Variants in DUX4 observed in about 807,000 individuals in gnomAD.
DUX4 encodes double homeobox 4.
downstream of DUX4, among the ~76,000 whole-genome samples, chr4:190,179,188 C>A (rs1251877333): frequency 0.031 from 654 of 21,240 alleles, 1 homozygote; most frequent in Non-Finnish European, 0.038. Context: ...AGGCAGAGCC[C>A]TGACAAGTGG....
At chr4:190,176,265 A>G (rs1445357307), downstream of DUX4, among the ~76,000 whole-genome samples, 210 of 113,706 alleles carry the variant, frequency 1.8e-3, 29 homozygotes, top group African/African-American at 5.2e-3. Context: ...CAATTTTTAC[A>G]TCTCCTGAGT....
chr4:190,179,112 G>T (rs1742478738), downstream of DUX4, among the ~76,000 whole-genome samples: 6 of 152,154 alleles, frequency 3.9e-5, no homozygotes, highest in East Asian at 3.9e-4. Context: ...GCCACTGTAG[G>T]CAGAGCCTAG....
At chr4:190,177,105 A>C (rs1742341896), downstream of DUX4, among the ~76,000 whole-genome samples, 592 of 134,448 alleles carry the variant, frequency 4.4e-3, no homozygotes, top group Admixed American at 7.9e-3. Context: ...TGATCAGTGC[A>C]GAGATATTTC....
downstream of DUX4, among the ~76,000 whole-genome samples, chr4:190,176,259 T>A (rs1162116400): frequency 8.9e-6 from 1 of 112,356 alleles, no homozygotes; most frequent in South Asian, 3.2e-4. Flanking sequence ...CCCAGACAAT[T>A]TTTACATCTC....
downstream of DUX4, among the ~76,000 whole-genome samples, chr4:190,177,189 C>CACCCCTGTAGGCAGAGCCTA (rs1742349628): frequency 3.5e-5 from 2 of 57,912 alleles, no homozygotes; most frequent in South Asian, 6.3e-4. Context: ...TATGTCAAAA[C>CACCCCTGTAGGCAGAGCCTA]GCCCCTGTAG....
downstream of DUX4, among the ~76,000 whole-genome samples, chr4:190,179,467 A>ACC (rs1742495618): frequency 2.7e-5 from 4 of 149,604 alleles, no homozygotes; most frequent in African/African-American, 4.9e-5. Context: ...GATCCTAGAG[A>ACC]AGAGTTATAT....
chr4:190,176,920 C>T (rs1742329766), downstream of DUX4, among the ~76,000 whole-genome samples: 1 of 133,076 alleles, frequency 7.5e-6, no homozygotes, highest in Non-Finnish European at 1.7e-5. Context: ...ACAAAAATCC[C>T]TGTAGACAGA....
chr4:190,177,027 G>T (rs1742337270), downstream of DUX4, among the ~76,000 whole-genome samples: 5 of 150,220 alleles, frequency 3.3e-5, no homozygotes, highest in Non-Finnish European at 6.0e-5. Context: ...TCACCTGGGT[G>T]ATCAGTGCAG....
downstream of DUX4, among the ~76,000 whole-genome samples, chr4:190,176,685 G>T (rs1742316676): frequency 8.4e-6 from 1 of 118,616 alleles, no homozygotes; most frequent in African/African-American, 2.6e-5. Flanking sequence ...TCACTTGGTT[G>T]ATCAGTTCAG....
At chr4:190,177,937 A>G (rs1579833503), downstream of DUX4, among the ~76,000 whole-genome samples, 175 of 145,862 alleles carry the variant, frequency 1.2e-3, no homozygotes, top group East Asian at 3.2e-3. Context: ...GATATGTCAC[A>G]ATGTCTCCAG....
downstream of DUX4, among the ~76,000 whole-genome samples, chr4:190,178,930 GT>G (rs1742464533): frequency 1.5e-5 from 1 of 67,454 alleles, no homozygotes; most frequent in Admixed American, 1.7e-4. Flanking sequence ...ACAAGAGTCC[GT>G]CTCCTGGGTG....
intron 1 of DUX4, among the ~76,000 whole-genome samples, chr4:190,181,263 G>C (rs1579837085): frequency 6.7e-4 from 99 of 147,920 alleles, no homozygotes; most frequent in Admixed American, 9.5e-4. Context: ...TCACCTGGGT[G>C]ATCAGTGCAG....
chr4:190,181,324 C>CTGTTA (rs1742565024), intron 1 of DUX4, among the ~76,000 whole-genome samples: 1 of 764 alleles, frequency 1.3e-3, no homozygotes, highest in African/African-American at 5.0e-3. Context: ...GAGTCCCATC[C>CTGTTA]CCTGGGTGAT....
downstream of DUX4, among the ~76,000 whole-genome samples, chr4:190,177,142 G>A (rs1579832443): frequency 1.7e-3 from 251 of 148,488 alleles, no homozygotes; most frequent in Middle Eastern, 0.011. Context: ...GCAGAGAGTG[G>A]ACAAGAGTTA....
At chr4:190,177,785 G>A (rs1579833311), downstream of DUX4, among the ~76,000 whole-genome samples, 3 of 152,106 alleles carry the variant, frequency 2.0e-5, no homozygotes, top group Admixed American at 6.6e-5. Flanking sequence ...GGTGATCAGT[G>A]CAGAGTTATG....
At chr4:190,181,303 A>AAATATGTCACAAT (rs1742562984) in intron 1 of DUX4, among the ~76,000 whole-genome samples, 1 of 134,226 alleles carries the variant, frequency 7.5e-6, no homozygotes, top group Non-Finnish European at 1.6e-5. Context: ...CAGTAGGCAG[A>AAATATGTCACAAT]GCCTAAAGAA....
downstream of DUX4, among the ~76,000 whole-genome samples, chr4:190,180,081 A>AGTCC (rs1742530150): frequency 1.3e-3 from 2 of 1,540 alleles, no homozygotes; most frequent in Admixed American, 5.6e-3. Flanking sequence ...CCAAGACAAG[A>AGTCC]GTCAGTCACC....
chr4:190,181,207 A>T (rs1742552052), intron 1 of DUX4, among the ~76,000 whole-genome samples: 15 of 151,394 alleles, frequency 9.9e-5, no homozygotes, highest in Non-Finnish European at 1.5e-4. Flanking sequence ...ATCAGTGCAG[A>T]GATATGTCAC....
downstream of DUX4, among the ~76,000 whole-genome samples, chr4:190,177,082 C>T (rs1742340722): frequency 1.0e-3 from 146 of 142,862 alleles, no homozygotes; most frequent in Non-Finnish European, 1.4e-3. Flanking sequence ...AGAGAAGAGT[C>T]CCATCACCTG....
Sources: allele counts gnomAD v4.1 joint callset (sites outside exome capture counted in the v4.1 genomes callset), GRCh38; gene constraint gnomAD v4.1.1; transcripts MANE v1.5; gene names NCBI Gene and HGNC (gene_info 2026-07-23, HGNC 2026-07-21).